The following CREBBP variants were observed in gnomAD, a reference collection of about 807,000 sequenced individuals.
The protein encoded by CREBBP is CREB-binding protein.
Under a neutral mutation model 265.0 loss-of-function variants are expected in CREBBP, and 19 were observed. That is an observed-to-expected ratio of 0.07 (90% CI 0.05 to 0.11). The LOEUF is 0.11. Among genes scored for constraint, CREBBP ranks in the 10% least tolerant of loss-of-function variants. The pLI is 1.00. For synonymous variants in CREBBP, 1,457 were observed against 1,223.7 expected, an observed-to-expected ratio of 1.19 and a Z score of -3.98; for missense variants, 2,525 against 3,219.0, an observed-to-expected ratio of 0.78 and a Z score of 5.22.
chr16:3,776,270 A>G (rs1596901791), intron 11 of CREBBP, among the ~76,000 whole-genome samples: 1 of 152,082 alleles, frequency 6.6e-6, no homozygotes, highest in Non-Finnish European at 1.5e-5. Flanking sequence ...CTCTTTCCTT[A>G]GAGTCTTCTG....
chr16:3,728,698 G>A lies in CREBBP; in HGVS notation c.6349C>T (p.Pro2117Ser), dbSNP rs2051822340. Residue 2117 changes from proline (P) to serine (S), a missense_variant, in exon 31 of 31, where the codon CCC (proline) becomes TCC (serine). By Grantham distance (74) the Pro-to-Ser change is moderately conservative. Coordinates refer to ENST00000262367, the MANE Select transcript of CREBBP (RefSeq NM_004380.3). The surrounding 1 kb of genome is among the most constrained non-coding windows in gnomAD (Gnocchi z 8.7). Reference protein sequence around the residue: ...KYVANQPGMQPQPGLQSQPGM... With the variant: ...KYVANQPGMQSQPGLQSQPGM... ...GGCTGGGACTGGAGGCCAGGCTGGGGCTGCATGCCGGGCTGATTGGCCACG... is the reference window on the plus strand; with the variant it reads ...GGCTGGGACTGGAGGCCAGGCTGGGACTGCATGCCGGGCTGATTGGCCACG... 1.9e-6 allele frequency: 3 copies of A among 1,613,968 alleles called. No individual in the cohort carries two copies. Among genetic ancestry groups the A allele is most frequent in the Non-Finnish European group, 2.5e-6 (3 of 1,179,974 alleles).
intron 6 of CREBBP, 93 bp from the exon 7 acceptor site, chr16:3,781,399 C>T: frequency 1.0e-6 from 1 of 984,586 alleles, no homozygotes; most frequent in Non-Finnish European, 1.6e-6. Context: ...ACCATATAAA[C>T]AATTGGTGGT....
rs2055508567 is a variant in CREBBP, at chr16:3,880,413, C to G, written c.-497G>C. 6.8e-6 allele frequency: 1 copy of G among 146,102 alleles called. No individual in the cohort carries two copies. Among genetic ancestry groups the G allele is most frequent in the South Asian group, 1.8e-4 (1 of 5,632 alleles). The allele number at this position is 146,102 out of a possible 1,614,324, so 9.1% of individuals were successfully genotyped here. A position where few individuals can be genotyped will look rare whatever the true frequency, so the allele number is the denominator to read the frequency against. On this transcript the variant is annotated 5_prime_UTR_variant, in exon 1 of 31. Transcript: ENST00000262367. ...GCTCCCGGCCCGCGGCCCGCCGCCG[C>G]CGCCGCCGTGAGGAAAAACAATGCG...
At chr16:3,803,003 A>G (rs2053749816) in intron 3 of CREBBP, among the ~76,000 whole-genome samples, 1 of 152,124 alleles carries the variant, frequency 6.6e-6, no homozygotes, top group African/African-American at 2.4e-5. Flanking sequence ...GTGGCGCCAT[A>G]AAACAAAGAA....
chr16:3,744,218 G>T lies in CREBBP; in HGVS notation c.3982+676C>A, dbSNP rs552616079. 2.0e-5 allele frequency among the ~76,000 whole-genome samples: 3 copies of T among 152,310 alleles called. No individual in the cohort carries two copies. The South Asian group carries it at 6.2e-4, about 32-fold the overall frequency. On this transcript the variant is annotated intron_variant, in intron 23 of 30. Transcript: ENST00000262367. ...AGGCCAGGCTCCTACCGCTCCTGGG[G>T]TGGTGGCTGGTTCCCAGAGGCCATG...
Position 3,729,778 on chromosome 16 carries a change from C to T in CREBBP, c.5269G>A (p.Gly1757Ser), listed in dbSNP as rs2151312141. ...LGLDDEGSSQ[G>S]EPQSKSPQES... ...TGGGGGCTCTTTGACTGTGGCTCGC[C>T]CTGGCTGCTGCCCTCGTCATCCAGG... Residue 1757 changes from glycine to serine, a missense_variant, in exon 31 of 31, where the codon GGC becomes AGC. This residue lies in a region of CREBBP where 62 missense variants were observed against 156.2 expected (regional missense o/e 0.40). Coordinates refer to ENST00000262367, the MANE Select transcript of CREBBP (RefSeq NM_004380.3). 1 of 1,606,242 alleles carries T rather than the reference C, an allele frequency of 6.2e-7. No homozygotes were observed. The highest frequency in any genetic ancestry group is 8.5e-7 in the Non-Finnish European group (1 of 1,179,540).
chr16:3,729,920 G>C (rs2151312996), intron 30 of CREBBP, 46 bp from the exon 31 acceptor site: 1 of 1,593,490 alleles, frequency 6.3e-7, no homozygotes, highest in Non-Finnish European at 8.5e-7. Context: ...ATGGGACCCA[G>C]TACCACCAGG....
chr16:3,791,959 C>T (rs548930996), intron 5 of CREBBP, 22 bp downstream of exon 5: 1 of 1,573,058 alleles, frequency 6.4e-7, no homozygotes, highest in African/African-American at 1.3e-5. Context: ...CTCCAAGCTT[C>T]TCTGCCCCCG....
intron 6 of CREBBP, among the ~76,000 whole-genome samples, chr16:3,782,477 T>G (rs1389010163): frequency 6.6e-6 from 1 of 152,228 alleles, no homozygotes; most frequent in Non-Finnish European, 1.5e-5. Flanking sequence ...AACAAAAACA[T>G]TGCTTCATTT....
intron 8 of CREBBP, among the ~76,000 whole-genome samples, chr16:3,780,481 A>T (rs527383057): frequency 6.6e-6 from 1 of 152,248 alleles, no homozygotes; most frequent in African/African-American, 2.4e-5. Flanking sequence ...CCTCGGTGAT[A>T]GGGGCTGCAA....
intron 2 of CREBBP, among the ~76,000 whole-genome samples, chr16:3,829,442 A>T (rs752391479): frequency 1.3e-5 from 2 of 152,176 alleles, no homozygotes; most frequent in Non-Finnish European, 2.9e-5. Context: ...AACACCTCCT[A>T]GGGCTTACTG....
intron 1 of CREBBP, among the ~76,000 whole-genome samples, chr16:3,854,099 G>T (rs981458211): frequency 2.0e-5 from 3 of 152,198 alleles, no homozygotes; most frequent in African/African-American, 7.2e-5. Context: ...TGAAGTGGCT[G>T]CCTGGGAGGT....
In CREBBP at chr16:3,810,812, T is replaced by C. The variant is rs182216075; in HGVS notation, c.799-33A>G. On this transcript the variant is annotated intron_variant, in intron 2 of 30. Transcript: ENST00000262367. ...AAAAAAGAGGTAACATCAGCTGTGGTGACGCAGTCAATATAAAAGGAAGGG... is the reference window on the plus strand; with the variant it reads ...AAAAAAGAGGTAACATCAGCTGTGGCGACGCAGTCAATATAAAAGGAAGGG... 951 of 1,609,630 alleles carry C rather than the reference T, an allele frequency of 5.9e-4. 1 individual carries two copies. Among genetic ancestry groups the C allele is most frequent in the Non-Finnish European group, 7.7e-4 (909 of 1,176,620 alleles).
chr16:3,793,727 C>T lies in CREBBP; in HGVS notation c.976-101G>A, dbSNP rs975685900. On this transcript the variant is annotated intron_variant, in intron 3 of 30. Coordinates refer to ENST00000262367, the MANE Select transcript of CREBBP (RefSeq NM_004380.3). ...CAAAAGCAAAAGCTGATGGATAATA[C>T]CGACCACAGAGAGAAGGCTGGTGTA... 9.5e-6 allele frequency: 13 copies of T among 1,373,248 alleles called. No individual in the cohort carries two copies. The Admixed American group carries it at 1.0e-4, about 11-fold the overall frequency. 85.1% of individuals were successfully genotyped at this position (1,373,248 alleles called of 1,614,324 possible). A position where few individuals can be genotyped will look rare whatever the true frequency, so the allele number is the denominator to read the frequency against.
At chr16:3,735,933 A>T in intron 28 of CREBBP, 103 bp downstream of exon 28, 1 of 1,593,608 alleles carries the variant, frequency 6.3e-7, no homozygotes, top group Non-Finnish European at 8.6e-7. Flanking sequence ...GAACGGAGAC[A>T]CCACCACAGG....
intron 16 of CREBBP, among the ~76,000 whole-genome samples, chr16:3,763,556 T>G (rs1218874293): frequency 1.3e-5 from 2 of 151,996 alleles, no homozygotes; most frequent in African/African-American, 4.8e-5. Context: ...TGCCGCCTCC[T>G]GGGTTCAAGT....
chr16:3,814,058 T>G (rs935867861), intron 2 of CREBBP, among the ~76,000 whole-genome samples: 1 of 152,208 alleles, frequency 6.6e-6, no homozygotes, highest in Non-Finnish European at 1.5e-5. Context: ...CCCAGATATT[T>G]TGACAATTTT....
chr16:3,774,560 A>T lies in CREBBP; in HGVS notation c.2283+9T>A, dbSNP rs2053090892. On this transcript the variant is annotated intron_variant, in intron 12 of 30. Coordinates refer to ENST00000262367, the MANE Select transcript of CREBBP (RefSeq NM_004380.3). ...GGCTATCTGCAGCACAGCGAAAGAG[A>T]ACACTTACCCCTGGCACTGAGCCCA... is the stretch of plus-strand genomic sequence containing the variant. 6 of 1,614,118 alleles carry T rather than the reference A, an allele frequency of 3.7e-6. No homozygotes were observed. In the East Asian group the frequency reaches 1.3e-4, roughly 36 times the overall value.
intron 2 of CREBBP, among the ~76,000 whole-genome samples, chr16:3,817,138 T>C (rs1254348812): frequency 6.6e-6 from 1 of 152,176 alleles, no homozygotes; most frequent in African/African-American, 2.4e-5. Flanking sequence ...GAAACGGGTG[T>C]GTGTGATCAC....
Sources: allele counts gnomAD v4.1 joint callset (sites outside exome capture counted in the v4.1 genomes callset), GRCh38; gene constraint gnomAD v4.1.1; regional missense constraint gnomAD v4.1.1; non-coding constraint Gnocchi (gnomAD v3.1); transcripts MANE v1.5; gene names NCBI Gene and HGNC (gene_info 2026-07-23, HGNC 2026-07-21).